ZSCAN9: variants seen among roughly 807,000 people sequenced by gnomAD.
The protein encoded by ZSCAN9 is zinc finger and SCAN domain-containing protein 9.
A neutral mutation model predicts 23.0 loss-of-function variants in ZSCAN9; 19 were observed. The observed-to-expected ratio is 0.83, with a 90% confidence interval of 0.58 to 1.21. The LOEUF is 1.21. ZSCAN9 is among the 50% of genes most tolerant of loss of function. ZSCAN9 has a pLI of 0.00. For synonymous variants in ZSCAN9, 155 were observed against 164.8 expected, an observed-to-expected ratio of 0.94 and a Z score of 0.46; for missense variants, 467 against 471.5, an observed-to-expected ratio of 0.99 and a Z score of 0.09.
At chr6:28,228,305 T>C (rs150528836) in intron 3 of ZSCAN9, 5,001 of 462,712 alleles carry the variant, frequency 0.011, 45 homozygotes, top group Middle Eastern at 0.017. Context: ...CAGAAATTTA[T>C]TTTCTCACAT....
chr6:28,230,444 AAGG>A, intron 3 of ZSCAN9: 3 of 1,536,074 alleles, frequency 2.0e-6, no homozygotes, highest in South Asian at 1.2e-5. Flanking sequence ...CCCCAGCTAA[AAGG>A]AGGAGGAGAA....
intron 3 of ZSCAN9, 147 bp from the exon 4 acceptor site, chr6:28,232,415 C>A: frequency 7.3e-7 from 1 of 1,368,852 alleles, no homozygotes; most frequent in Non-Finnish European, 9.7e-7. Flanking sequence ...GGCAAACGTT[C>A]CTCCCTACGT....
At position 28,227,180 on chromosome 6, in the gene ZSCAN9, C is replaced by T. The variant is rs761650472; in HGVS notation, c.96C>T (p.His32=). The T allele has an allele frequency of 1.9e-6, 3 of 1,614,078 alleles. No homozygotes were observed. In the African/African-American group the frequency reaches 4.0e-5, roughly 22 times the overall value. The part of the protein sequence containing the change: ...LLTMKVEAKS[H]LQWQESRLKR... Reference sequence around the variant, plus strand: ...CAATGAAAGTGGAAGCAAAAAGTCACCTTCAATGGCAGGAATCCAGACTGA... The same window carrying T: ...CAATGAAAGTGGAAGCAAAAAGTCATCTTCAATGGCAGGAATCCAGACTGA... Residue 32 remains histidine, a synonymous_variant, in exon 2 of 4, where the codon CAC becomes CAT. Transcript: ENST00000252207.
chr6:28,231,345 A>G (rs1262519233), intron 3 of ZSCAN9, among the ~76,000 whole-genome samples: 2 of 152,234 alleles, frequency 1.3e-5, no homozygotes, highest in Non-Finnish European at 2.9e-5. Context: ...GGCAGCATGT[A>G]CAGTGTGGAT....
Position 28,232,788 on chromosome 6 carries a change from G to C in ZSCAN9, c.795G>C (p.Gln265His). The C allele has an allele frequency of 6.2e-7, 1 of 1,614,224 alleles. No individual in the cohort carries two copies. The highest frequency in any genetic ancestry group is 2.2e-5 in the East Asian group (1 of 44,890). Residue 265 changes from glutamine (Q) to histidine (H), a missense_variant, in exon 4 of 4, where the codon CAG becomes CAC. Coordinates refer to ENST00000252207, the MANE Select transcript of ZSCAN9 (RefSeq NM_006299.5). ...KCDECGKSFT[Q>H]SSGLIRHQRI... is the part of the protein sequence containing the mutation. ...ATGAATGTGGGAAGAGCTTTACTCA[G>C]AGCTCAGGTCTCATTCGACATCAAA...
intron 3 of ZSCAN9, among the ~76,000 whole-genome samples, chr6:28,231,033 G>A (rs1437346185): frequency 2.6e-5 from 4 of 152,040 alleles, no homozygotes; most frequent in African/African-American, 7.3e-5. Flanking sequence ...ATTCAAGGGG[G>A]ATACATTCCA....
chr6:28,233,464 C>G lies in ZSCAN9; in HGVS notation c.*286C>G, dbSNP rs202099197. 3.2e-6 allele frequency: 1 copy of G among 311,864 alleles called. No homozygotes were observed. Among genetic ancestry groups the G allele is most frequent in the Non-Finnish European group, 5.7e-6 (1 of 174,492 alleles). The allele number at this position is 311,864 out of a possible 1,614,324, so 19.3% of individuals were successfully genotyped here. On this transcript the variant is annotated 3_prime_UTR_variant, in exon 4 of 4. Coordinates refer to ENST00000252207, the MANE Select transcript of ZSCAN9 (RefSeq NM_006299.5). ...CCTTCTAATAATATAATAAATGGCA[C>G]TGCCACAGCCAACATGCCTGAAAGA...
intron 1 of ZSCAN9, among the ~76,000 whole-genome samples, chr6:28,225,777 C>G (rs1410372838): frequency 6.6e-6 from 1 of 152,146 alleles, no homozygotes; most frequent in African/African-American, 2.4e-5. Flanking sequence ...TGTAGCAGTT[C>G]CCGATTCCCT....
At chr6:28,229,902 G>C (rs902964602) in intron 3 of ZSCAN9, among the ~76,000 whole-genome samples, 2 of 149,788 alleles carry the variant, frequency 1.3e-5, no homozygotes, top group Non-Finnish European at 3.0e-5. Flanking sequence ...CTGTCGCCCA[G>C]GCTGGAATGC....
rs1760163871 is a variant in ZSCAN9, at chr6:28,227,750, C to G, written c.481C>G (p.Gln161Glu). ...TAAAGAGATGGTGCCTCTAGCAGAG[C>G]AGACACCACTGACCCTTCAGTCCCA... ...LCKEMVPLAE[Q>E]TPLTLQSQPK... Residue 161 changes from glutamine (Q) to glutamate (E), a missense_variant, in exon 3 of 4, where the codon CAG becomes GAG. Transcript: ENST00000252207. 3 of 1,612,634 alleles carry G rather than the reference C, an allele frequency of 1.9e-6. No individual in the cohort carries two copies. Among genetic ancestry groups the G allele is most frequent in the Non-Finnish European group, 2.5e-6 (3 of 1,179,628 alleles).
Position 28,225,565 on chromosome 6 carries a change from A to G in ZSCAN9, c.-74+199A>G, listed in dbSNP as rs77063309. ...GGGACATTGTACAAGAAAGGGTTGT[A>G]GGAGGACTGCGAGGCTGAAGGGTCA... On this transcript the variant is annotated intron_variant, in intron 1 of 3. Coordinates refer to ENST00000252207, the MANE Select transcript of ZSCAN9 (RefSeq NM_006299.5). Among the ~76,000 whole-genome samples, 681 of 152,294 alleles carry G rather than the reference A, an allele frequency of 4.5e-3. 7 individuals carry two copies. Among genetic ancestry groups the G allele is most frequent in the African/African-American group, 0.015 (624 of 41,568 alleles).
Position 28,227,003 on chromosome 6 carries a change from A to G in ZSCAN9, c.-73-9A>G. 1 of 1,239,690 alleles carries G rather than the reference A, an allele frequency of 8.1e-7. No homozygotes were observed. Among genetic ancestry groups the G allele is most frequent in the Non-Finnish European group, 1.1e-6 (1 of 890,020 alleles). 76.8% of individuals were successfully genotyped at this position (1,239,690 alleles called of 1,614,324 possible). On this transcript the variant is annotated splice_polypyrimidine_tract_variant and intron_variant, in intron 1 of 3. Transcript: ENST00000252207. ...TTTTCTATATAAATAATTTATTTTT[A>G]CTGCTTAGGCAAGCGCCTCCAAGGT...
At chr6:28,226,510 TG>T (rs1223479576) in intron 1 of ZSCAN9, among the ~76,000 whole-genome samples, 1 of 152,264 alleles carries the variant, frequency 6.6e-6, no homozygotes, top group African/African-American at 2.4e-5. Flanking sequence ...ATTCATGGGC[TG>T]TTTTCCTCCA....
intron 1 of ZSCAN9, among the ~76,000 whole-genome samples, chr6:28,225,821 T>C (rs1035717825): frequency 7.2e-5 from 11 of 152,200 alleles, no homozygotes; most frequent in African/African-American, 2.4e-4. Context: ...AACCTTATAA[T>C]ACATACAAAT....
At position 28,230,953 on chromosome 6, in the gene ZSCAN9, A is replaced by G. The variant is rs560856913; in HGVS notation, c.569-1609A>G. Among the ~76,000 whole-genome samples, 3 of 152,296 alleles carry G rather than the reference A, an allele frequency of 2.0e-5. No homozygotes were observed. In the South Asian group the frequency reaches 6.2e-4, roughly 32 times the overall value. ...CAGGAAGAGAGAAGCACTAGAGCAA[A>G]GGTCTTATGATGGGAATGCACCTTG... On this transcript the variant is annotated intron_variant, in intron 3 of 3. Transcript: ENST00000252207.
Position 28,227,459 on chromosome 6 carries a change from T to G in ZSCAN9, c.375T>G (p.Ile125Met). The G allele has an allele frequency of 6.2e-7, 1 of 1,612,336 alleles. No homozygotes were observed. Among genetic ancestry groups the G allele is most frequent in the Non-Finnish European group, 8.5e-7 (1 of 1,179,122 alleles). Reference protein sequence around the residue: ...HCPESGEEAVILLEDLERELD... With the variant: ...HCPESGEEAVMLLEDLERELD... ...CAGAGAGTGGAGAAGAGGCTGTGAT[T>G]TTGCTGGAGGATCTGGAGAGAGAGC... is the stretch of plus-strand genomic sequence containing the variant. The change falls in exon 2 of 4, where the codon ATT (isoleucine) becomes ATG (methionine). Residue 125 changes from isoleucine (I) to methionine (M), a missense_variant. Transcript: ENST00000252207.
chr6:28,225,739 T>C (rs1760098425), intron 1 of ZSCAN9, among the ~76,000 whole-genome samples: 1 of 152,158 alleles, frequency 6.6e-6, no homozygotes, highest in Non-Finnish European at 1.5e-5. Flanking sequence ...TTAAGGGGCG[T>C]TGAATGGACT....
In ZSCAN9 at chr6:28,227,135, G is replaced by A. The variant is rs1445024898; in HGVS notation, c.51G>A (p.Glu17=). The A allele has an allele frequency of 6.2e-7, 1 of 1,614,066 alleles. No homozygotes were observed. Among genetic ancestry groups the A allele is most frequent in the Non-Finnish European group, 8.5e-7 (1 of 1,180,052 alleles). Residue 17 remains glutamate (E), a synonymous_variant, in exon 2 of 4, where the codon GAG becomes GAA. Transcript: ENST00000252207. ...TATCCCTGGGTGTTCAAGTTCCCGA[G>A]GCATGGGAAGAACTTCTGACAATGA... is the stretch of plus-strand genomic sequence containing the variant. ...EVLSLGVQVP[E]AWEELLTMKV...
chr6:28,230,578 G>T (rs1760270708), intron 3 of ZSCAN9: 2 of 1,264,354 alleles, frequency 1.6e-6, no homozygotes, highest in East Asian at 2.6e-5. Flanking sequence ...TGGGTCTGTT[G>T]TCCTCGGCCT....
Sources: gnomAD v4.1 joint callset for allele counts (sites outside exome capture counted in the v4.1 genomes callset) on GRCh38, gnomAD v4.1.1 for gene constraint, MANE v1.5 for transcripts, NCBI Gene and HGNC (gene_info 2026-07-23, HGNC 2026-07-21) for gene names.